FBXL7: variants seen among roughly 807,000 people sequenced by gnomAD.
FBXL7 encodes F-box and leucine rich repeat protein 7, also known as F-box/LRR-repeat protein 7.
Under a neutral mutation model 38.3 loss-of-function variants are expected in FBXL7, and 12 were observed. That is an observed-to-expected ratio of 0.31 (90% CI 0.20 to 0.51). The LOEUF (loss-of-function observed/expected upper bound fraction) is 0.51, where lower values mean the gene tolerates loss of function less well. Among genes scored for constraint, FBXL7 ranks in the 20% least tolerant of loss-of-function variants. The probability of loss-of-function intolerance (pLI) is 0.98; values close to 1 mark genes in which losing one functional copy is unlikely to be tolerated. For synonymous variants in FBXL7, 297 were observed against 300.9 expected (o/e 0.99, Z 0.13); for missense variants, 567 against 676.4 (o/e 0.84, Z 1.79).
intron 1 of FBXL7, among the ~76,000 whole-genome samples, chr5:15,510,505 G>A (rs1410176233): frequency 1.3e-5 from 2 of 152,158 alleles, no homozygotes; most frequent in African/African-American, 4.8e-5. Context: ...CCAGCTGTCA[G>A]TGGTAACTCA....
At chr5:15,814,345 C>A (rs1229668089) in intron 2 of FBXL7, among the ~76,000 whole-genome samples, 3 of 152,132 alleles carry the variant, frequency 2.0e-5, no homozygotes, top group Non-Finnish European at 4.4e-5. Flanking sequence ...CCAAACACTG[C>A]ATGTTCTCAC....
intron 2 of FBXL7, among the ~76,000 whole-genome samples, chr5:15,772,109 T>C (rs1736745790): frequency 1.3e-5 from 2 of 152,228 alleles, no homozygotes; most frequent in African/African-American, 2.4e-5. Flanking sequence ...ATAAGTGATC[T>C]AAAAGCCTCA....
Position 15,523,858 on chromosome 5 carries a change from C to T in FBXL7, c.37+23145C>T, listed in dbSNP as rs542407370. ...CTGCAGTTGAGTCTGGGAAATGCGGCGTTCTGCTGGCAGCATGTGTGCAGC... is the reference window on the plus strand; with the variant it reads ...CTGCAGTTGAGTCTGGGAAATGCGGTGTTCTGCTGGCAGCATGTGTGCAGC... On this transcript the variant is annotated intron_variant, in intron 1 of 3. Coordinates refer to ENST00000504595, the MANE Select transcript of FBXL7 (RefSeq NM_012304.5). Among the ~76,000 whole-genome samples the T allele has an allele frequency of 3.3e-5, 5 of 152,290 alleles. No homozygotes were observed. In the South Asian group the frequency reaches 6.2e-4, roughly 19 times the overall value.
chr5:15,515,558 G>T (rs559848012), intron 1 of FBXL7, among the ~76,000 whole-genome samples: 1 of 152,188 alleles, frequency 6.6e-6, no homozygotes, highest in South Asian at 2.1e-4. Flanking sequence ...GCTGTGCTTT[G>T]AAGAGTGATC....
chr5:15,564,153 C>T (rs1484474900), intron 1 of FBXL7, among the ~76,000 whole-genome samples: 1 of 151,986 alleles, frequency 6.6e-6, no homozygotes, highest in African/African-American at 2.4e-5. Flanking sequence ...AATATTCTTC[C>T]TATCAAAGGG....
At position 15,936,861 on chromosome 5, in the gene FBXL7, G is replaced by A; in HGVS notation, c.1151G>A (p.Arg384Lys). The part of the protein sequence containing the change: ...YCSKLRYLNA[R>K]GCEGITDHGV... ...AGCAAGCTGCGCTACCTCAACGCGAGGGGCTGCGAGGGCATCACGGACCAC... is the reference window on the plus strand; with the variant it reads ...AGCAAGCTGCGCTACCTCAACGCGAAGGGCTGCGAGGGCATCACGGACCAC... Residue 384 changes from arginine to lysine, a missense_variant, in exon 4 of 4, where the codon AGG becomes AAG. Coordinates refer to ENST00000504595, the MANE Select transcript of FBXL7 (RefSeq NM_012304.5). This position sits in a 1 kb window ranked among gnomAD's most constrained non-coding sequence, Gnocchi z 6.0. 1.2e-6 allele frequency: 2 copies of A among 1,613,950 alleles called. No homozygotes were observed. The highest frequency in any genetic ancestry group is 1.7e-6 in the Non-Finnish European group (2 of 1,179,858).
intron 2 of FBXL7, among the ~76,000 whole-genome samples, chr5:15,840,947 G>A (rs1738731290): frequency 6.6e-6 from 1 of 151,104 alleles, no homozygotes; most frequent in African/African-American, 2.4e-5. Context: ...ATTATCATGT[G>A]TTTATACTTT....
At chr5:15,649,674 G>A (rs1741642585) in intron 2 of FBXL7, among the ~76,000 whole-genome samples, 1 of 151,260 alleles carries the variant, frequency 6.6e-6, no homozygotes, top group Middle Eastern at 3.2e-3. Flanking sequence ...TGACTGATCT[G>A]CAAATCTTTA....
At chr5:15,900,853 A>G (rs1159811789) in intron 2 of FBXL7, among the ~76,000 whole-genome samples, 1 of 152,352 alleles carries the variant, frequency 6.6e-6, no homozygotes, top group East Asian at 1.9e-4. Flanking sequence ...AGTTTTCTTT[A>G]GAACAAGTTT....
At chr5:15,592,357 G>A (rs1054923946) in intron 1 of FBXL7, among the ~76,000 whole-genome samples, 1 of 152,116 alleles carries the variant, frequency 6.6e-6, no homozygotes, top group African/African-American at 2.4e-5. Flanking sequence ...GGATACAGTT[G>A]CCCAGGGATC....
chr5:15,806,795 G>T lies in FBXL7; in HGVS notation c.128-121095G>T, dbSNP rs143613921. Among the ~76,000 whole-genome samples the T allele has an allele frequency of 3.9e-5, 6 of 152,230 alleles. No individual in the cohort carries two copies. The East Asian group carries it at 1.2e-3, about 29-fold the overall frequency. ...GAAGTACCTCTTCTCTAAGGAATGC[G>T]GCAGAAGCAGCCCAGAGTAAGGTGG... On this transcript the variant is annotated intron_variant, in intron 2 of 3. Coordinates refer to ENST00000504595, the MANE Select transcript of FBXL7 (RefSeq NM_012304.5).
chr5:15,654,081 T>A (rs1191226471), intron 2 of FBXL7, among the ~76,000 whole-genome samples: 3 of 152,204 alleles, frequency 2.0e-5, no homozygotes, highest in Non-Finnish European at 2.9e-5. Context: ...TAACTTTGTT[T>A]GAGCCAAACA....
chr5:15,692,770 G>A (rs1012983590), intron 2 of FBXL7, among the ~76,000 whole-genome samples: 3 of 152,108 alleles, frequency 2.0e-5, no homozygotes, highest in Admixed American at 6.5e-5. Context: ...GTTGCTAAGC[G>A]GGTGGTGCCT....
At chr5:15,701,858 T>C (rs371247239) in intron 2 of FBXL7, among the ~76,000 whole-genome samples, 7 of 152,346 alleles carry the variant, frequency 4.6e-5, no homozygotes, top group African/African-American at 1.7e-4. Context: ...AAGTGTTGGC[T>C]ACTGTGCTAA....
chr5:15,535,825 C>T (rs1737568313), intron 1 of FBXL7, among the ~76,000 whole-genome samples: 1 of 152,224 alleles, frequency 6.6e-6, no homozygotes, highest in African/African-American at 2.4e-5. Flanking sequence ...AAGCCAGCCG[C>T]AGAAATTTGC....
chr5:15,809,236 G>A (rs1737791822), intron 2 of FBXL7, among the ~76,000 whole-genome samples: 1 of 152,176 alleles, frequency 6.6e-6, no homozygotes, highest in African/African-American at 2.4e-5. Context: ...TTATTTGAAC[G>A]TTGAACTTTG....
Position 15,564,378 on chromosome 5 carries a change from C to CTGTGTGTGTG in FBXL7, c.38-51577_38-51568dup, listed in dbSNP as rs33993480. 1.5e-3 allele frequency among the ~76,000 whole-genome samples: 224 copies of CTGTGTGTGTG among 147,504 alleles called. 1 individual carries two copies. Among genetic ancestry groups the CTGTGTGTGTG allele is most frequent in the Middle Eastern group, 3.4e-3 (1 of 292 alleles). On this transcript the variant is annotated intron_variant, in intron 1 of 3. Coordinates refer to ENST00000504595, the MANE Select transcript of FBXL7 (RefSeq NM_012304.5). Reference sequence around the variant, plus strand: ...AGGACAATTATGATGTCAGTAATATCTGTGTGTGTGTGTGTGTGTGTGTGT... The same window carrying CTGTGTGTGTG: ...AGGACAATTATGATGTCAGTAATATCTGTGTGTGTGTGTGTGTGTGTGTGTGTGTGTGTGT...
At chr5:15,526,456 G>A (rs1006945950) in intron 1 of FBXL7, among the ~76,000 whole-genome samples, 5 of 152,236 alleles carry the variant, frequency 3.3e-5, no homozygotes, top group African/African-American at 7.2e-5. Flanking sequence ...GGCGTCTTTC[G>A]GTTGCCCTTA....
chr5:15,713,555 T>TG (rs1415931086), intron 2 of FBXL7, among the ~76,000 whole-genome samples: 7 of 152,210 alleles, frequency 4.6e-5, no homozygotes, highest in Non-Finnish European at 8.8e-5. Flanking sequence ...TTGGCATTCA[T>TG]GATACCCTGT....
Sources: allele counts gnomAD v4.1 joint callset (sites outside exome capture counted in the v4.1 genomes callset), GRCh38; gene constraint gnomAD v4.1.1; non-coding constraint Gnocchi (gnomAD v3.1); transcripts MANE v1.5; gene names NCBI Gene and HGNC (gene_info 2026-07-23, HGNC 2026-07-21).